PCDHGA6: variants seen among roughly 807,000 people sequenced by gnomAD.
PCDHGA6 encodes the protein protocadherin gamma-A6.
A neutral mutation model predicts 60.6 loss-of-function variants in PCDHGA6; 41 were observed. The ratio of observed to expected loss-of-function variants is 0.68; its 90% CI spans 0.53 to 0.88. PCDHGA6 has a LOEUF of 0.88. Among genes scored for constraint, PCDHGA6 ranks in the 40% least tolerant of loss-of-function variants. The pLI, the probability that PCDHGA6 is intolerant of heterozygous loss-of-function variation, is 0.00. For synonymous variants in PCDHGA6, 594 were observed against 524.4 expected (o/e 1.13, Z -1.81); for missense variants, 1,312 against 1,203.0 (o/e 1.09, Z -1.34).
At chr5:141,395,495 T>A (rs182989344) in intron 1 of PCDHGA6, 1 of 498,616 alleles carries the variant, frequency 2.0e-6, no homozygotes, top group East Asian at 3.5e-5. Context: ...TATCACTCAT[T>A]CACTTAAGAA....
chr5:141,430,216 A>G (rs1487666733), intron 1 of PCDHGA6, among the ~76,000 whole-genome samples: 1 of 150,536 alleles, frequency 6.6e-6, no homozygotes, highest in Non-Finnish European at 1.5e-5. Flanking sequence ...TTATTATATT[A>G]TATGATTTGT....
In PCDHGA6 at chr5:141,430,843, C is replaced by T. The variant is rs1370427603; in HGVS notation, c.2424+54336C>T. 2.6e-6 allele frequency: 4 copies of T among 1,568,356 alleles called. No homozygotes were observed. The African/African-American group carries it at 4.1e-5, about 16-fold the overall frequency. On this transcript the variant is annotated intron_variant, in intron 1 of 3. Coordinates refer to ENST00000517434, the MANE Select transcript of PCDHGA6 (RefSeq NM_018919.3). ...TGGGGACTCTGTGGGAGACCGGATG[C>T]ACCCAGATACGCTATTCAGTTCCGG...
rs768206517 is a variant in PCDHGA6 at position 141,432,482 on chromosome 5, G to C, written c.2424+55975G>C. 6.2e-7 allele frequency: 1 copy of C among 1,614,178 alleles called. No individual in the cohort carries two copies. Among genetic ancestry groups the C allele is most frequent in the South Asian group, 1.1e-5 (1 of 91,074 alleles). ...CCTCCCCACGGACGGTTCCACTGGC[G>C]TGGAGCTGGCTCCCCGCTCCGCAGA... On this transcript the variant is annotated intron_variant, in intron 1 of 3. Coordinates refer to ENST00000517434, the MANE Select transcript of PCDHGA6 (RefSeq NM_018919.3). The surrounding 1 kb of genome is among the most constrained non-coding windows in gnomAD (Gnocchi z 6.0).
At chr5:141,461,740 G>T (rs770518286) in intron 1 of PCDHGA6, among the ~76,000 whole-genome samples, 1 of 152,072 alleles carries the variant, frequency 6.6e-6, no homozygotes, top group African/African-American at 2.4e-5. Context: ...GCACAATCCC[G>T]GCTCCCAGAT....
rs1236959966 is a variant in PCDHGA6, at chr5:141,511,984, G to C, written c.*811G>C. On this transcript the variant is annotated 3_prime_UTR_variant, in exon 4 of 4. Transcript: ENST00000517434. ...GGGAAGTGTGTGGATGTGGATGGTGGGGGCATGGACAAAGCTTGACACATC... is the reference window on the plus strand; with the variant it reads ...GGGAAGTGTGTGGATGTGGATGGTGCGGGCATGGACAAAGCTTGACACATC... 1 of 153,294 alleles carries C rather than the reference G, an allele frequency of 6.5e-6. No individual in the cohort carries two copies. Among genetic ancestry groups the C allele is most frequent in the African/African-American group, 2.4e-5 (1 of 41,452 alleles). 9.5% of individuals were successfully genotyped at this position (153,294 alleles called of 1,614,324 possible). A position where few individuals can be genotyped will look rare whatever the true frequency, so the allele number is the denominator to read the frequency against.
At chr5:141,459,846 A>G (rs945742948) in intron 1 of PCDHGA6, among the ~76,000 whole-genome samples, 1 of 152,170 alleles carries the variant, frequency 6.6e-6, no homozygotes, top group Admixed American at 6.5e-5. Context: ...CTATTTGTAT[A>G]TCTTCTTGAA....
At chr5:141,399,425 G>A (rs2093805755) in intron 1 of PCDHGA6, 1 of 1,613,990 alleles carries the variant, frequency 6.2e-7, no homozygotes. Context: ...TCCAGCATAA[G>A]CGTCATCCTA....
Position 141,477,920 on chromosome 5 carries a change from C to A in PCDHGA6, c.2425-16887C>A, listed in dbSNP as rs755219711. ...GGTAGGCTGGGACGCGGATGCAGGGCACAATGCCTGGCTCTCCTACAGTCT... is the reference window on the plus strand; with the variant it reads ...GGTAGGCTGGGACGCGGATGCAGGGAACAATGCCTGGCTCTCCTACAGTCT... On this transcript the variant is annotated intron_variant, in intron 1 of 3. Transcript: ENST00000517434. The surrounding 1 kb of genome is among the most constrained non-coding windows in gnomAD (Gnocchi z 4.9). The A allele has an allele frequency of 6.2e-7, 1 of 1,614,180 alleles. No individual in the cohort carries two copies. The highest frequency in any genetic ancestry group is 8.5e-7 in the Non-Finnish European group (1 of 1,180,038).
Position 141,412,876 on chromosome 5 carries a change from A to G in PCDHGA6, c.2424+36369A>G, listed in dbSNP as rs1206092699. 12 of 281,096 alleles carry G rather than the reference A, an allele frequency of 4.3e-5. No homozygotes were observed. The East Asian group carries it at 7.9e-4, about 19-fold the overall frequency. The allele number at this position is 281,096 out of a possible 1,614,324, so 17.4% of individuals were successfully genotyped here. A position where few individuals can be genotyped will look rare whatever the true frequency, so the allele number is the denominator to read the frequency against. On this transcript the variant is annotated intron_variant, in intron 1 of 3. Coordinates refer to ENST00000517434, the MANE Select transcript of PCDHGA6 (RefSeq NM_018919.3). ...CAAAGAATCTATGTAAAATATAATAATCCAACAGAATAGTTTACTTTCCAT... is the reference window on the plus strand; with the variant it reads ...CAAAGAATCTATGTAAAATATAATAGTCCAACAGAATAGTTTACTTTCCAT...
rs114740440 is a variant in PCDHGA6 at position 141,426,595 on chromosome 5, C to T, written c.2424+50088C>T. The T allele has an allele frequency of 4.0e-3, 1,518 of 375,912 alleles. 5 individuals carry two copies. Among genetic ancestry groups the T allele is most frequent in the Non-Finnish European group, 5.9e-3 (1,105 of 185,722 alleles). 23.3% of individuals were successfully genotyped at this position (375,912 alleles called of 1,614,324 possible). ...GTCTTCAAAATCCTCTGTGTCATAC[C>T]CTTAGAGATTGTAGCAGAGAATCCT... On this transcript the variant is annotated intron_variant, in intron 1 of 3. Coordinates refer to ENST00000517434, the MANE Select transcript of PCDHGA6 (RefSeq NM_018919.3).
intron 1 of PCDHGA6, chr5:141,419,278 A>G: frequency 6.2e-7 from 1 of 1,614,038 alleles, no homozygotes; most frequent in Non-Finnish European, 8.5e-7. Context: ...CCATAGCGCA[A>G]GTCAGTGCCT....
At chr5:141,419,152 G>A (rs2096335735) in intron 1 of PCDHGA6, 25 of 1,613,916 alleles carry the variant, frequency 1.5e-5, no homozygotes, top group East Asian at 4.5e-5. Context: ...GCAAGCCTCC[G>A]TTATCCTCCA....
chr5:141,384,666 C>CA, intron 1 of PCDHGA6: 2 of 1,614,220 alleles, frequency 1.2e-6, no homozygotes, highest in Non-Finnish European at 1.7e-6. Flanking sequence ...ACCTGGTGAC[C>CA]AAGGTGGTGG....
At chr5:141,415,043 T>G in intron 1 of PCDHGA6, 2 of 1,613,396 alleles carry the variant, frequency 1.2e-6, no homozygotes, top group Non-Finnish European at 1.7e-6. Flanking sequence ...CTCTTCGCGG[T>G]GGGGGAGCAC....
chr5:141,421,498 A>T (rs1303740754), intron 1 of PCDHGA6: 2 of 1,613,952 alleles, frequency 1.2e-6, no homozygotes, highest in African/African-American at 1.3e-5. Context: ...GGCAGGCAGG[A>T]TAGACCGGGA....
intron 2 of PCDHGA6, among the ~76,000 whole-genome samples, chr5:141,497,264 A>G (rs2154592078): frequency 6.6e-6 from 1 of 152,258 alleles, no homozygotes; most frequent in East Asian, 1.9e-4. Flanking sequence ...GAGAAGTTCT[A>G]GGCCATTTAT....
Position 141,423,580 on chromosome 5 carries a change from A to C in PCDHGA6, c.2424+47073A>C, listed in dbSNP as rs368022774. 46 of 1,613,286 alleles carry C rather than the reference A, an allele frequency of 2.9e-5. No individual in the cohort carries two copies. In the African/African-American group the frequency reaches 5.6e-4, roughly 20 times the overall value. On this transcript the variant is annotated intron_variant, in intron 1 of 3. Coordinates refer to ENST00000517434, the MANE Select transcript of PCDHGA6 (RefSeq NM_018919.3). ...TGGGGACACGCTCATCAGCCAGGAGAGCTGTGAGAAAAGCGAGCCACTCTT... is the reference window on the plus strand; with the variant it reads ...TGGGGACACGCTCATCAGCCAGGAGCGCTGTGAGAAAAGCGAGCCACTCTT...
rs149314216 is a variant in PCDHGA6, at chr5:141,487,041, G to A, written c.2425-7766G>A. 2.1e-3 allele frequency: 3,442 copies of A among 1,614,128 alleles called. 3 individuals carry two copies. Among genetic ancestry groups the A allele is most frequent in the Non-Finnish European group, 2.7e-3 (3,235 of 1,180,026 alleles). ...GATCCCAGCCTGTTTGCAGTCTCTC[G>A]ATATGCTGGGGAGGTGCGGACGGCT... On this transcript the variant is annotated intron_variant, in intron 1 of 3. Transcript: ENST00000517434. The surrounding 1 kb of genome is among the most constrained non-coding windows in gnomAD (Gnocchi z 5.0).
intron 1 of PCDHGA6, chr5:141,389,372 G>A: frequency 6.2e-7 from 1 of 1,613,806 alleles, no homozygotes; most frequent in South Asian, 1.1e-5. Flanking sequence ...ACCTGGAGCA[G>A]CGGGAGCTGT....
Sources: gnomAD v4.1 joint callset for allele counts (sites outside exome capture counted in the v4.1 genomes callset) on GRCh38, gnomAD v4.1.1 for gene constraint, Gnocchi (gnomAD v3.1) non-coding constraint, MANE v1.5 for transcripts, NCBI Gene and HGNC (gene_info 2026-07-23, HGNC 2026-07-21) for gene names.